SNTG1: variants seen among roughly 807,000 people sequenced by gnomAD.
SNTG1 encodes gamma-1-syntrophin.
A neutral mutation model predicts 74.7 loss-of-function variants in SNTG1; 39 were observed. The observed-to-expected ratio is 0.52, with a 90% CI of 0.40 to 0.68. SNTG1 has a LOEUF of 0.68. Ranked by LOEUF, SNTG1 falls within the 30% of genes least tolerant of loss-of-function variation. SNTG1 has a pLI of 0.00. For missense variants in SNTG1, 685 were observed against 609.5 expected (o/e 1.12, Z -1.30); for synonymous variants, 254 against 217.1 (o/e 1.17, Z -1.49).
intron 1 of SNTG1, among the ~76,000 whole-genome samples, chr8:50,004,423 T>C (rs1009744184): frequency 5.9e-5 from 9 of 152,120 alleles, no homozygotes; most frequent in African/African-American, 9.7e-5. Context: ...TAAGTCCTAG[T>C]TGCTGGGAAT....
chr8:50,460,025 C>A (rs2093545522), intron 8 of SNTG1, among the ~76,000 whole-genome samples: 1 of 151,998 alleles, frequency 6.6e-6, no homozygotes, highest in South Asian at 2.1e-4. Flanking sequence ...GGATATATAC[C>A]CAGTCATGGG....
intron 1 of SNTG1, among the ~76,000 whole-genome samples, chr8:49,967,252 T>G (rs1215287337): frequency 6.6e-6 from 1 of 152,248 alleles, no homozygotes; most frequent in African/African-American, 2.4e-5. Context: ...GCTTGAAGAA[T>G]GCCTGTCTGG....
intron 2 of SNTG1, among the ~76,000 whole-genome samples, chr8:50,259,544 G>T (rs144672397): frequency 4.7e-4 from 6 of 12,764 alleles, no homozygotes; most frequent in Non-Finnish European, 5.1e-4. Context: ...AAGAAAGAAA[G>T]AAAGAAAGAA....
At chr8:50,280,394 G>T (rs1185920635) in intron 2 of SNTG1, among the ~76,000 whole-genome samples, 1 of 152,212 alleles carries the variant, frequency 6.6e-6, no homozygotes, top group Non-Finnish European at 1.5e-5. Context: ...CAATGTTCCA[G>T]TGAACTTTCT....
At chr8:50,328,191 C>A (rs1199898349) in intron 2 of SNTG1, among the ~76,000 whole-genome samples, 2 of 152,122 alleles carry the variant, frequency 1.3e-5, no homozygotes, top group Admixed American at 6.5e-5. Flanking sequence ...TTAAGAACTT[C>A]TTTTAGCATA....
intron 1 of SNTG1, among the ~76,000 whole-genome samples, chr8:50,023,687 C>T (rs1817021192): frequency 6.6e-6 from 1 of 152,138 alleles, no homozygotes; most frequent in Admixed American, 6.5e-5. Flanking sequence ...ACAACAACCA[C>T]CACATCTTTC....
intron 1 of SNTG1, among the ~76,000 whole-genome samples, chr8:49,956,733 T>C (rs1481531271): frequency 6.6e-6 from 1 of 152,064 alleles, no homozygotes; most frequent in African/African-American, 2.4e-5. Flanking sequence ...GACAGACATA[T>C]CCTGGACCCA....
intron 1 of SNTG1, among the ~76,000 whole-genome samples, chr8:50,147,970 G>T (rs549041462): frequency 6.6e-6 from 1 of 152,294 alleles, no homozygotes; most frequent in East Asian, 1.9e-4. Flanking sequence ...TATAATGCTA[G>T]AAAGTAGAAT....
At chr8:50,486,919 T>C (rs1340879095) in intron 8 of SNTG1, among the ~76,000 whole-genome samples, 2 of 152,238 alleles carry the variant, frequency 1.3e-5, no homozygotes, top group Admixed American at 1.3e-4. Context: ...CATGTGGTTT[T>C]TGTCTTTGCC....
At chr8:50,344,938 G>A (rs776381937) in intron 2 of SNTG1, among the ~76,000 whole-genome samples, 8 of 152,166 alleles carry the variant, frequency 5.3e-5, no homozygotes, top group Non-Finnish European at 8.8e-5. Flanking sequence ...CTGACCTGAG[G>A]AAATTTGGAC....
At chr8:50,537,928 T>A (rs1378067815) in intron 11 of SNTG1, among the ~76,000 whole-genome samples, 1 of 152,182 alleles carries the variant, frequency 6.6e-6, no homozygotes, top group East Asian at 1.9e-4. Context: ...TGCCAGTCCA[T>A]TTTGATAATT....
intron 2 of SNTG1, among the ~76,000 whole-genome samples, chr8:50,244,703 C>G (rs148239130): frequency 1.3e-5 from 2 of 152,064 alleles, no homozygotes; most frequent in East Asian, 3.9e-4. Flanking sequence ...GAATATCTAC[C>G]GCATCCACAA....
At chr8:50,736,446 A>AAAGAAACTT (rs2131641476) in intron 17 of SNTG1, among the ~76,000 whole-genome samples, 1 of 152,252 alleles carries the variant, frequency 6.6e-6, no homozygotes, top group African/African-American at 2.4e-5. Context: ...AGAGATGTAC[A>AAAGAAACTT]AAGAAACTTA....
intron 15 of SNTG1, among the ~76,000 whole-genome samples, chr8:50,668,537 T>TA (rs1306480933): frequency 7.0e-6 from 1 of 142,490 alleles, no homozygotes; most frequent in African/African-American, 2.5e-5. Flanking sequence ...TTATTATTAT[T>TA]TTGCTTTAAG....
chr8:50,277,359 T>C (rs1420962409), intron 2 of SNTG1, among the ~76,000 whole-genome samples: 1 of 152,088 alleles, frequency 6.6e-6, no homozygotes, highest in African/African-American at 2.4e-5. Context: ...AATTATGGTT[T>C]AATATTCTTT....
At chr8:50,519,524 G>A (rs2094161912) in intron 9 of SNTG1, among the ~76,000 whole-genome samples, 1 of 152,186 alleles carries the variant, frequency 6.6e-6, no homozygotes, top group South Asian at 2.1e-4. Context: ...GTCTCTGTTT[G>A]CAGATGACAT....
At chr8:50,765,653 A>C (rs2095611776) in intron 18 of SNTG1, among the ~76,000 whole-genome samples, 1 of 151,970 alleles carries the variant, frequency 6.6e-6, no homozygotes, top group African/African-American at 2.4e-5. Flanking sequence ...TTTAAAAGAA[A>C]AATTATTTGA....
intron 2 of SNTG1, among the ~76,000 whole-genome samples, chr8:50,233,364 A>C (rs774879694): frequency 6.6e-6 from 1 of 151,878 alleles, no homozygotes; most frequent in Non-Finnish European, 1.5e-5. Flanking sequence ...AACAGGTAAA[A>C]GTAAACCTTG....
At chr8:50,089,867 G>A (rs2079651136) in intron 1 of SNTG1, among the ~76,000 whole-genome samples, 1 of 152,114 alleles carries the variant, frequency 6.6e-6, no homozygotes, top group African/African-American at 2.4e-5. Flanking sequence ...CAGGGATCTA[G>A]AACTAGAAAT....
Sources: allele counts gnomAD v4.1 joint callset (sites outside exome capture counted in the v4.1 genomes callset), GRCh38; gene constraint gnomAD v4.1.1; transcripts MANE v1.5; gene names NCBI Gene and HGNC (gene_info 2026-07-23, HGNC 2026-07-21).